The following FCRL1 variants were observed in gnomAD, a reference collection of about 807,000 sequenced individuals.
FCRL1 encodes Fc receptor like 1, also known as Fc receptor-like protein 1.
In FCRL1, 34 loss-of-function variants were observed where a neutral mutation model predicts 49.2. That is an observed-to-expected ratio of 0.69 (90% CI 0.53 to 0.92). FCRL1 has a LOEUF of 0.92. FCRL1 is among the 40% of genes least tolerant of loss of function. The pLI, the probability that FCRL1 is intolerant of heterozygous loss-of-function variation, is 0.00. For missense variants in FCRL1, 524 were observed against 524.1 expected (o/e 1.00, Z 0.00); for synonymous variants, 218 against 201.6 (o/e 1.08, Z -0.69).
intron 1 of FCRL1, 119 bp downstream of exon 1, chr1:157,819,888 T>C (rs1194359542): frequency 8.6e-7 from 1 of 1,167,882 alleles, no homozygotes; most frequent in East Asian, 2.4e-5. Context: ...AGTGGAGATC[T>C]GAGCACCCCT....
intron 1 of FCRL1, among the ~76,000 whole-genome samples, chr1:157,815,205 A>T (rs1362506209): frequency 2.0e-5 from 3 of 151,906 alleles, no homozygotes; most frequent in African/African-American, 7.2e-5. Context: ...ATATTTGAGG[A>T]AGCAAAATGT....
intron 2 of FCRL1, among the ~76,000 whole-genome samples, chr1:157,804,942 C>G (rs573831299): frequency 1.1e-4 from 16 of 151,904 alleles, no homozygotes; most frequent in South Asian, 2.1e-4. Context: ...TCACTGCAAC[C>G]TCAACCTCCT....
intron 3 of FCRL1, among the ~76,000 whole-genome samples, chr1:157,803,497 C>A (rs73017172): frequency 0.049 from 7,450 of 152,266 alleles, 597 homozygotes; most frequent in African/African-American, 0.17. Context: ...TAGTCAACAG[C>A]CAGTCCTACA....
chr1:157,801,439 G>A, intron 6 of FCRL1, 22 bp downstream of exon 6: 3 of 1,421,446 alleles, frequency 2.1e-6, no homozygotes, highest in South Asian at 2.3e-5. Flanking sequence ...GTAACAAAAT[G>A]CCACTCTCTT....
chr1:157,796,935 C>A (rs1469971139), intron 10 of FCRL1, among the ~76,000 whole-genome samples, 166 bp downstream of exon 10: 1 of 152,072 alleles, frequency 6.6e-6, no homozygotes, highest in Non-Finnish European at 1.5e-5. Context: ...TACAATGACC[C>A]CTTATTGTTG....
At chr1:157,801,368 T>A in intron 6 of FCRL1, 93 bp downstream of exon 6, 1 of 830,502 alleles carries the variant, frequency 1.2e-6, no homozygotes, top group Non-Finnish European at 2.0e-6. Flanking sequence ...TAACAGCATA[T>A]ACATCTTTTG....
intron 1 of FCRL1, among the ~76,000 whole-genome samples, chr1:157,819,579 T>A (rs371643523): frequency 2.0e-5 from 3 of 152,080 alleles, no homozygotes; most frequent in East Asian, 3.9e-4. Context: ...GGATGTATGC[T>A]GAAAACAAAG....
chr1:157,801,811 A>G, intron 5 of FCRL1, 104 bp downstream of exon 5: 1 of 1,392,662 alleles, frequency 7.2e-7, no homozygotes, highest in Non-Finnish European at 9.8e-7. Flanking sequence ...CAGAGGCCCC[A>G]CCATGGGTAG....
Position 157,797,579 on chromosome 1 carries a change from G to A in FCRL1, c.1186+289C>T, listed in dbSNP as rs6689277. ...TGTAACTACATGTTTTACCTCCATC[G>A]TGTTGGGAGGTCAGGAAGAGGTAAG... On this transcript the variant is annotated intron_variant, in intron 9 of 10. Coordinates refer to ENST00000368176, the MANE Select transcript of FCRL1 (RefSeq NM_052938.5). 3,606 of 636,988 alleles carry A rather than the reference G, an allele frequency of 5.7e-3. 87 individuals carry two copies. The African/African-American group carries it at 0.057, about 10-fold the overall frequency. The allele number at this position is 636,988 out of a possible 1,614,324, so 39.5% of individuals were successfully genotyped here. A position where few individuals can be genotyped will look rare whatever the true frequency, so the allele number is the denominator to read the frequency against.
At chr1:157,799,213 G>A (rs1571340846) in intron 7 of FCRL1, among the ~76,000 whole-genome samples, 1 of 152,032 alleles carries the variant, frequency 6.6e-6, no homozygotes, top group East Asian at 1.9e-4. Flanking sequence ...GTTGCCCAAG[G>A]TGGTCTGGAC....
chr1:157,806,032 C>A (rs961929427), intron 2 of FCRL1, among the ~76,000 whole-genome samples: 2 of 152,200 alleles, frequency 1.3e-5, no homozygotes, highest in African/African-American at 4.8e-5. Context: ...GAGCTTGTTT[C>A]AGATAATTCT....
intron 1 of FCRL1, among the ~76,000 whole-genome samples, chr1:157,815,740 A>G (rs1654940377): frequency 6.6e-6 from 1 of 151,256 alleles, no homozygotes; most frequent in East Asian, 1.9e-4. Context: ...AAATTCAAAT[A>G]ATAAAATCAG....
chr1:157,807,907 A>G (rs760705333), intron 1 of FCRL1, among the ~76,000 whole-genome samples: 9 of 152,132 alleles, frequency 5.9e-5, no homozygotes, highest in Non-Finnish European at 1.2e-4. Context: ...TGTGGTACCT[A>G]CCTCACAGAG....
chr1:157,807,325 T>A (rs893375007), intron 1 of FCRL1, among the ~76,000 whole-genome samples: 1 of 152,034 alleles, frequency 6.6e-6, no homozygotes, highest in African/African-American at 2.4e-5. Context: ...ATCTTACCCC[T>A]GCTTCTTTTC....
At chr1:157,819,705 A>C (rs1474851854) in intron 1 of FCRL1, among the ~76,000 whole-genome samples, 1 of 152,138 alleles carries the variant, frequency 6.6e-6, no homozygotes, top group African/African-American at 2.4e-5. Context: ...TATTATACAG[A>C]TTTTTCTTTT....
chr1:157,815,331 A>C (rs564033528), intron 1 of FCRL1, among the ~76,000 whole-genome samples: 1 of 151,966 alleles, frequency 6.6e-6, no homozygotes, highest in African/African-American at 2.4e-5. Context: ...ATGAAAATTG[A>C]ACATCATGCT....
intron 2 of FCRL1, among the ~76,000 whole-genome samples, chr1:157,805,580 G>C (rs114349599): frequency 1.0e-3 from 159 of 152,284 alleles, no homozygotes; most frequent in African/African-American, 3.8e-3. Flanking sequence ...ACAGCTCTTG[G>C]AGCTAGGCAG....
At position 157,801,732 on chromosome 1, in the gene FCRL1, G is replaced by A. The variant is rs1557898034; in HGVS notation, c.887-155C>T. 9.4e-6 allele frequency: 8 copies of A among 852,926 alleles called. No individual in the cohort carries two copies. The South Asian group carries it at 1.4e-4, about 15-fold the overall frequency. The allele number at this position is 852,926 out of a possible 1,614,324, so 52.8% of individuals were successfully genotyped here. ...TTGTGGCTTATCATCTTTATGACAA[G>A]AGAAGAGCTGCACCCAACCTTGAGT... On this transcript the variant is annotated intron_variant, in intron 5 of 10. Coordinates refer to ENST00000368176, the MANE Select transcript of FCRL1 (RefSeq NM_052938.5).
chr1:157,802,301 G>A lies in FCRL1; in HGVS notation c.607+76C>T, dbSNP rs1652651474. 4.4e-6 allele frequency: 7 copies of A among 1,581,744 alleles called. No individual in the cohort carries two copies. In the Admixed American group the frequency reaches 1.0e-4, roughly 23 times the overall value. Reference sequence around the variant, plus strand: ...TTGAACTTCCTCAGCATGCCCCAGGGAAACTTTGTGTGCCCCAGGGAAATG... The same window carrying A: ...TTGAACTTCCTCAGCATGCCCCAGGAAAACTTTGTGTGCCCCAGGGAAATG... On this transcript the variant is annotated intron_variant, in intron 4 of 10. Coordinates refer to ENST00000368176, the MANE Select transcript of FCRL1 (RefSeq NM_052938.5).
Sources: gnomAD v4.1 joint callset for allele counts (sites outside exome capture counted in the v4.1 genomes callset) on GRCh38, gnomAD v4.1.1 for gene constraint, MANE v1.5 for transcripts, NCBI Gene and HGNC (gene_info 2026-07-23, HGNC 2026-07-21) for gene names.